The following ZNF730 variants were observed in gnomAD, a reference collection of about 807,000 sequenced individuals.
ZNF730 encodes putative zinc finger protein 730.
A neutral mutation model predicts 12.6 loss-of-function variants in ZNF730; 12 were observed. The ratio of observed to expected loss-of-function variants is 0.95; its 90% CI spans 0.61 to 1.54. ZNF730 has a LOEUF of 1.54. Among genes scored for constraint, ZNF730 ranks in the 40% most tolerant of loss-of-function variants. The pLI, the probability that ZNF730 is intolerant of heterozygous loss-of-function variation, is 0.00. For synonymous variants in ZNF730, 194 were observed against 195.8 expected (o/e 0.99, Z 0.08); for missense variants, 643 against 583.5 (o/e 1.10, Z -1.05).
intron 1 of ZNF730, among the ~76,000 whole-genome samples, chr19:23,080,847 C>CTTTTTTTTTTTTTTTTTTTTTTT (rs552923947): frequency 1.6e-5 from 2 of 125,068 alleles, no homozygotes; most frequent in Non-Finnish European, 3.3e-5. Flanking sequence ...TTTTTCTTTT[C>CTTTTTTTTTTTTTTTTTTTTTTT]TTTTTTTTTT....
At chr19:23,105,366 G>A (rs902064556) in intron 1 of ZNF730, among the ~76,000 whole-genome samples, 19 of 151,874 alleles carry the variant, frequency 1.3e-4, no homozygotes, top group African/African-American at 4.4e-4. Flanking sequence ...CACCCACTTC[G>A]GCCTCCAAAG....
intron 1 of ZNF730, among the ~76,000 whole-genome samples, chr19:23,085,556 C>T (rs1171607241): frequency 1.5e-5 from 2 of 135,680 alleles, no homozygotes; most frequent in Non-Finnish European, 3.1e-5. Flanking sequence ...GCTCTGTCAC[C>T]GAGGCTGGAG....
At chr19:23,082,121 C>T (rs570000208) in intron 1 of ZNF730, among the ~76,000 whole-genome samples, 2 of 152,218 alleles carry the variant, frequency 1.3e-5, no homozygotes, top group Non-Finnish European at 2.9e-5. Context: ...AAAACCAGAA[C>T]TTACTCTTCT....
intron 1 of ZNF730, among the ~76,000 whole-genome samples, chr19:23,132,810 T>C (rs765650958): frequency 1.6e-4 from 24 of 152,234 alleles, no homozygotes; most frequent in Non-Finnish European, 3.4e-4. Flanking sequence ...AGGAGATACT[T>C]GTTCTCCATG....
chr19:23,087,888 C>T (rs1049824608), intron 1 of ZNF730, among the ~76,000 whole-genome samples: 10 of 152,126 alleles, frequency 6.6e-5, no homozygotes, highest in African/African-American at 1.4e-4. Context: ...GCTGGGATTA[C>T]AGGTGTGAGC....
chr19:23,141,337 G>A (rs973874413), intron 3 of ZNF730, among the ~76,000 whole-genome samples: 3 of 152,038 alleles, frequency 2.0e-5, no homozygotes, highest in African/African-American at 4.8e-5. Context: ...AGAGGTTGTA[G>A]GGAGGTGAGA....
chr19:23,100,418 A>G (rs1283220915), intron 1 of ZNF730: 1 of 152,166 alleles, frequency 6.6e-6, no homozygotes, highest in East Asian at 1.9e-4. Flanking sequence ...TCTGACATAT[A>G]TAAAGCCCTA....
intron 1 of ZNF730, among the ~76,000 whole-genome samples, chr19:23,091,936 G>T (rs1052487889): frequency 2.6e-5 from 4 of 152,116 alleles, no homozygotes; most frequent in Non-Finnish European, 5.9e-5. Flanking sequence ...ATTTGGAGGG[G>T]CCAGGGGCAG....
At chr19:23,102,101 C>A (rs1443464303) in intron 1 of ZNF730, among the ~76,000 whole-genome samples, 1 of 152,170 alleles carries the variant, frequency 6.6e-6, no homozygotes, top group Non-Finnish European at 1.5e-5. Flanking sequence ...CTGCATCAGT[C>A]ACCTAGGAAA....
chr19:23,125,520 A>G (rs1017507985), intron 1 of ZNF730: 1 of 152,238 alleles, frequency 6.6e-6, no homozygotes, highest in Admixed American at 6.5e-5. Context: ...ATGTTTTAGC[A>G]AAGAGACTGG....
At chr19:23,077,339 G>GC (rs987047576) in intron 1 of ZNF730, among the ~76,000 whole-genome samples, 19 of 150,022 alleles carry the variant, frequency 1.3e-4, no homozygotes, top group African/African-American at 4.4e-4. Context: ...CAGGTGATCT[G>GC]CCCGCCTTGG....
Position 23,145,392 on chromosome 19 carries a change from C to A in ZNF730, c.348C>A (p.Gly116=). ...CRHENLLLRK[G]CKNVDEFKMH... Reference sequence around the variant, plus strand: ...ATGAGAATTTACTGTTAAGAAAAGGCTGTAAAAATGTGGATGAGTTTAAGA... The same window carrying A: ...ATGAGAATTTACTGTTAAGAAAAGGATGTAAAAATGTGGATGAGTTTAAGA... The change falls in exon 4 of 4, where the codon GGC becomes GGA. Residue 116 remains glycine (G), a synonymous_variant. Coordinates refer to ENST00000597761, the MANE Select transcript of ZNF730 (RefSeq NM_001277403.2). 6.3e-7 allele frequency: 1 copy of A among 1,589,876 alleles called. No individual in the cohort carries two copies. The highest frequency in any genetic ancestry group is 8.6e-7 in the Non-Finnish European group (1 of 1,168,736).
chr19:23,092,791 C>G lies in ZNF730; in HGVS notation c.-94+17404C>G, dbSNP rs1377078023. On this transcript the variant is annotated intron_variant, in intron 1 of 2. Transcript: ENST00000593635. ...TTTCAGAGATGAAGCCTACCTGATT[C>G]TGGTGGATAAGTTTTTTCATTTGCT... Among the ~76,000 whole-genome samples, 5 of 152,034 alleles carry G rather than the reference C, an allele frequency of 3.3e-5. No individual in the cohort carries two copies. In the South Asian group the frequency reaches 8.3e-4, roughly 25 times the overall value.
At chr19:23,112,732 G>C, upstream of ZNF730, among the ~76,000 whole-genome samples, 1 of 85,882 alleles carries the variant, frequency 1.2e-5, no homozygotes, top group East Asian at 4.3e-4. Context: ...CAAAAAAATA[G>C]AAGAAAAAAA....
intron 1 of ZNF730, among the ~76,000 whole-genome samples, chr19:23,098,782 G>A (rs1970293455): frequency 1.3e-5 from 2 of 152,064 alleles, no homozygotes; most frequent in South Asian, 4.2e-4. Flanking sequence ...GTGATGTGAC[G>A]GTTCTGGGTA....
chr19:23,080,487 A>T (rs1047833074), intron 1 of ZNF730, among the ~76,000 whole-genome samples: 1 of 149,218 alleles, frequency 6.7e-6, no homozygotes, highest in Non-Finnish European at 1.5e-5. Context: ...GTGATTCTCT[A>T]CCTCAGCCTT....
chr19:23,127,359 C>T (rs1198050827), intron 1 of ZNF730: 2 of 714,200 alleles, frequency 2.8e-6, no homozygotes, highest in African/African-American at 3.5e-5. Context: ...CATAGGAACA[C>T]TTCATGCATC....
intron 3 of ZNF730, among the ~76,000 whole-genome samples, chr19:23,137,962 G>A (rs985319675): frequency 2.9e-4 from 44 of 152,206 alleles, no homozygotes; most frequent in African/African-American, 1.0e-3. Flanking sequence ...TGCATATATG[G>A]TGGGCTTTAT....
At chr19:23,093,296 A>G (rs1028152015) in intron 1 of ZNF730, among the ~76,000 whole-genome samples, 1 of 152,194 alleles carries the variant, frequency 6.6e-6, no homozygotes, top group Non-Finnish European at 1.5e-5. Flanking sequence ...TTTTTGAAAG[A>G]ATTTCAGTAG....
Sources: allele counts gnomAD v4.1 joint callset (sites outside exome capture counted in the v4.1 genomes callset), GRCh38; gene constraint gnomAD v4.1.1; transcripts MANE v1.5; gene names NCBI Gene and HGNC (gene_info 2026-07-23, HGNC 2026-07-21).